The following CDH8 variants were observed in gnomAD, a reference collection of about 807,000 sequenced individuals.
CDH8 encodes cadherin 8.
CDH8 carries 17 observed loss-of-function variants against 68.1 expected under a neutral mutation model. The observed-to-expected ratio is 0.25, with a 90% CI of 0.17 to 0.37. The LOEUF (loss-of-function observed/expected upper bound fraction) is 0.37, where lower values mean the gene tolerates loss of function less well. Among genes scored for constraint, CDH8 ranks in the 10% least tolerant of loss-of-function variants. CDH8 has a pLI of 1.00. For missense variants in CDH8, 763 were observed against 999.3 expected, an observed-to-expected ratio of 0.76 and a Z score of 3.19; for synonymous variants, 372 against 365.1, an observed-to-expected ratio of 1.02 and a Z score of -0.21.
At chr16:61,693,814 G>C (rs1964278095) in intron 10 of CDH8, 1 of 152,014 alleles carries the variant, frequency 6.6e-6, no homozygotes, top group African/African-American at 2.4e-5. Flanking sequence ...TTCTGATCTA[G>C]CTACATAATA....
At chr16:61,673,867 G>A (rs1480297693) in intron 10 of CDH8, among the ~76,000 whole-genome samples, 1 of 152,134 alleles carries the variant, frequency 6.6e-6, no homozygotes, top group East Asian at 1.9e-4. Context: ...TACTAGAGTG[G>A]AGGAAACTCT....
At chr16:61,799,232 A>G (rs1237286256) in intron 7 of CDH8, among the ~76,000 whole-genome samples, 3 of 152,192 alleles carry the variant, frequency 2.0e-5, no homozygotes, top group Admixed American at 6.5e-5. Flanking sequence ...CGTGCCTGTC[A>G]TACTTCTCTC....
intron 4 of CDH8, among the ~76,000 whole-genome samples, chr16:61,836,555 G>T (rs1269814428): frequency 3.3e-5 from 5 of 151,934 alleles, no homozygotes; most frequent in Admixed American, 3.3e-4. Flanking sequence ...AAGCTGTAAA[G>T]ACAGAGACAA....
intron 2 of CDH8, among the ~76,000 whole-genome samples, chr16:61,966,672 AT>A (rs1276016012): frequency 6.6e-6 from 1 of 152,256 alleles, no homozygotes; most frequent in East Asian, 1.9e-4. Context: ...ACACTTAAGA[AT>A]ACATTGCTTC....
intron 10 of CDH8, chr16:61,692,513 T>C (rs912940364): frequency 3.9e-5 from 6 of 151,950 alleles, no homozygotes; most frequent in African/African-American, 1.4e-4. Context: ...TGTGTATGTG[T>C]GTATGTATGT....
chr16:61,836,681 G>T (rs552320797), intron 4 of CDH8, among the ~76,000 whole-genome samples: 1 of 151,898 alleles, frequency 6.6e-6, no homozygotes, highest in African/African-American at 2.4e-5. Flanking sequence ...AATGACCATC[G>T]AACATAGACT....
chr16:61,894,285 C>T lies in CDH8; in HGVS notation c.547+6894G>A, dbSNP rs535508830. Among the ~76,000 whole-genome samples the T allele has an allele frequency of 2.0e-3, 299 of 152,232 alleles. 3 individuals carry two copies. The highest frequency in any genetic ancestry group is 7.0e-3 in the African/African-American group (291 of 41,548). ...GAAATTCTATAAAACAATTGTTCCA[C>T]GGTCAGGTGTGAAAGTCATAAGTGA... On this transcript the variant is annotated intron_variant, in intron 3 of 11. Coordinates refer to ENST00000577390, the MANE Select transcript of CDH8 (RefSeq NM_001796.5).
chr16:61,745,098 G>GTT (rs542273926), intron 8 of CDH8, among the ~76,000 whole-genome samples: 4 of 139,818 alleles, frequency 2.9e-5, no homozygotes, highest in Admixed American at 1.4e-4. Context: ...ATTTTATCAA[G>GTT]TTTTTTTTTT....
chr16:61,664,449 C>T (rs1963627500), intron 10 of CDH8, among the ~76,000 whole-genome samples: 1 of 151,714 alleles, frequency 6.6e-6, no homozygotes, highest in South Asian at 2.1e-4. Flanking sequence ...AATAAGTAAC[C>T]ATAAGCTATA....
chr16:61,657,849 T>C (rs745738181), intron 10 of CDH8, among the ~76,000 whole-genome samples: 9 of 152,118 alleles, frequency 5.9e-5, no homozygotes, highest in Non-Finnish European at 1.3e-4. Context: ...GGAATATTGC[T>C]TGCTGCAGAA....
intron 2 of CDH8, among the ~76,000 whole-genome samples, chr16:62,019,085 A>G (rs1009291706): frequency 2.6e-5 from 4 of 152,238 alleles, no homozygotes; most frequent in African/African-American, 9.6e-5. Context: ...ATAAAAAGAT[A>G]ACTAAGAAAA....
intron 4 of CDH8, among the ~76,000 whole-genome samples, chr16:61,835,677 C>G (rs1450711297): frequency 1.3e-5 from 2 of 151,908 alleles, no homozygotes; most frequent in Non-Finnish European, 2.9e-5. Context: ...ACACTTCAAT[C>G]AAGTGGAATT....
At chr16:61,945,997 A>G (rs544061702) in intron 2 of CDH8, among the ~76,000 whole-genome samples, 1 of 152,344 alleles carries the variant, frequency 6.6e-6, no homozygotes, top group South Asian at 2.1e-4. Context: ...AATGAGTCAC[A>G]GGCAGAATGG....
intron 2 of CDH8, among the ~76,000 whole-genome samples, chr16:62,013,734 G>A (rs1222408360): frequency 6.6e-6 from 1 of 151,970 alleles, no homozygotes; most frequent in Non-Finnish European, 1.5e-5. Context: ...ATTTATATTT[G>A]CCCAATGCTT....
At chr16:62,031,833 A>G (rs575248692) in intron 1 of CDH8, among the ~76,000 whole-genome samples, 6 of 152,316 alleles carry the variant, frequency 3.9e-5, no homozygotes, top group Admixed American at 2.0e-4. Flanking sequence ...ATGAAGCAAC[A>G]GAGATTTAGT....
intron 10 of CDH8, among the ~76,000 whole-genome samples, chr16:61,697,856 G>A (rs980236233): frequency 2.0e-5 from 3 of 152,166 alleles, no homozygotes; most frequent in Admixed American, 2.0e-4. Context: ...AGCCAGCATA[G>A]AGAAAATTAG....
intron 3 of CDH8, among the ~76,000 whole-genome samples, chr16:61,875,067 ACACATTT>A (rs1963436407): frequency 6.6e-6 from 1 of 152,216 alleles, no homozygotes; most frequent in South Asian, 2.1e-4. Context: ...CCTTTAGATG[ACACATTT>A]CACAGGGAGA....
At chr16:61,793,266 G>A (rs576474791) in intron 7 of CDH8, among the ~76,000 whole-genome samples, 1 of 151,628 alleles carries the variant, frequency 6.6e-6, no homozygotes, top group East Asian at 1.9e-4. Context: ...AACTTTATTT[G>A]AAGTTCAGAG....
chr16:61,655,392 C>A (rs1280762908), intron 11 of CDH8, 78 bp downstream of exon 11: 3 of 1,444,652 alleles, frequency 2.1e-6, no homozygotes, highest in Non-Finnish European at 2.9e-6. Flanking sequence ...CTGTGTAGAT[C>A]AGAGTTTTCT....
Sources: allele counts gnomAD v4.1 joint callset (sites outside exome capture counted in the v4.1 genomes callset), GRCh38; gene constraint gnomAD v4.1.1; transcripts MANE v1.5; gene names NCBI Gene and HGNC (gene_info 2026-07-23, HGNC 2026-07-21).